Variants in GALNT13 observed in about 807,000 individuals in gnomAD.
GALNT13 encodes the protein UDP-GalNAc:polypeptide N-acetylgalactosaminyltransferase 13.
GALNT13 carries 28 observed loss-of-function variants against 64.2 expected under a neutral mutation model. The ratio of observed to expected loss-of-function variants is 0.44; its 90% CI spans 0.32 to 0.60. GALNT13 has a LOEUF of 0.60. Ranked by LOEUF, GALNT13 falls within the 20% of genes least tolerant of loss-of-function variation. The pLI is 0.05. For synonymous variants in GALNT13, 214 were observed against 224.6 expected (o/e 0.95, Z 0.42); for missense variants, 577 against 669.8 (o/e 0.86, Z 1.53).
chr2:153,791,402 A>C, the GALNT13 span, among the ~76,000 whole-genome samples: 1 of 151,998 alleles, frequency 6.6e-6, no homozygotes, highest in Non-Finnish European at 1.5e-5. Context: ...TTTTGCACCA[A>C]CCTAATATTA....
At chr2:154,239,853 G>T (rs78554275) in intron 4 of GALNT13, among the ~76,000 whole-genome samples, 1 of 152,188 alleles carries the variant, frequency 6.6e-6, no homozygotes, top group African/African-American at 2.4e-5. Context: ...AAAAAATAAT[G>T]AAGATCTTAA....
the GALNT13 span, among the ~76,000 whole-genome samples, chr2:153,700,212 T>A: frequency 6.6e-6 from 1 of 152,288 alleles, no homozygotes; most frequent in Non-Finnish European, 1.5e-5. Flanking sequence ...ATAAATGTAA[T>A]CCATCACATA....
At chr2:154,064,814 CTA>C (rs1156647386) in intron 3 of GALNT13, among the ~76,000 whole-genome samples, 1 of 152,078 alleles carries the variant, frequency 6.6e-6, no homozygotes, top group Non-Finnish European at 1.5e-5. Flanking sequence ...GCAGTGGTGA[CTA>C]TGAGGAAAGA....
At chr2:153,252,614 G>T in the GALNT13 span, among the ~76,000 whole-genome samples, 24 of 152,272 alleles carry the variant, frequency 1.6e-4, no homozygotes, top group South Asian at 1.9e-3. Flanking sequence ...GGTCTAACCT[G>T]TAAGTCTTTA....
At chr2:153,960,716 T>A (rs1223192629) in intron 3 of GALNT13, among the ~76,000 whole-genome samples, 2 of 152,286 alleles carry the variant, frequency 1.3e-5, no homozygotes, top group African/African-American at 4.8e-5. Flanking sequence ...ACCTGGCCTT[T>A]TTAAGCTGGT....
intron 9 of GALNT13, among the ~76,000 whole-genome samples, chr2:154,347,132 A>G (rs1258429986): frequency 2.0e-5 from 3 of 152,154 alleles, no homozygotes; most frequent in Non-Finnish European, 4.4e-5. Context: ...GATTGTTAAA[A>G]TAATTAACAA....
chr2:154,445,563 T>G (rs1292696842), intron 12 of GALNT13, among the ~76,000 whole-genome samples: 4 of 151,972 alleles, frequency 2.6e-5, no homozygotes, highest in African/African-American at 9.7e-5. Context: ...AAAATCAAGC[T>G]ATATAGTTAA....
chr2:153,629,236 G>C, the GALNT13 span, among the ~76,000 whole-genome samples: 19 of 150,092 alleles, frequency 1.3e-4, no homozygotes, highest in Non-Finnish European at 2.2e-4. Context: ...GCATCTACCT[G>C]ACTTCAGACT....
the GALNT13 span, among the ~76,000 whole-genome samples, chr2:153,374,487 C>T: frequency 6.6e-6 from 1 of 151,980 alleles, no homozygotes. Context: ...AACTTGTTAT[C>T]AGATTTGTGC....
At chr2:153,070,232 G>A in the GALNT13 span, among the ~76,000 whole-genome samples, 1 of 152,064 alleles carries the variant, frequency 6.6e-6, no homozygotes, top group Non-Finnish European at 1.5e-5. Context: ...CGTACTATAA[G>A]ATTCCAGCCA....
intron 11 of GALNT13, among the ~76,000 whole-genome samples, chr2:154,426,892 T>C (rs534450478): frequency 1.4e-4 from 22 of 152,306 alleles, no homozygotes; most frequent in African/African-American, 5.1e-4. Flanking sequence ...TTCATTTCAA[T>C]TCAATTCATA....
At chr2:153,113,788 A>G in the GALNT13 span, among the ~76,000 whole-genome samples, 1 of 152,090 alleles carries the variant, frequency 6.6e-6, no homozygotes, top group Non-Finnish European at 1.5e-5. Context: ...ATTGAGTTAG[A>G]CACCTCATTT....
intron 4 of GALNT13, among the ~76,000 whole-genome samples, chr2:154,192,881 A>G (rs2105760192): frequency 6.6e-6 from 1 of 152,362 alleles, no homozygotes; most frequent in South Asian, 2.1e-4. Flanking sequence ...TTAGAAGCAC[A>G]TGACTTAAAA....
At chr2:153,527,061 T>G in the GALNT13 span, among the ~76,000 whole-genome samples, 1 of 151,674 alleles carries the variant, frequency 6.6e-6, no homozygotes, top group Non-Finnish European at 1.5e-5. Flanking sequence ...AGCTTCAAAA[T>G]AGCAAATCTA....
chr2:154,100,204 T>C lies in GALNT13; in HGVS notation c.143-40133T>C, dbSNP rs559814209. ...TTGGCCATTTGGGCACATTTTTGGT[T>C]CCATATGAATTTTAGGATTGTTTTC... On this transcript the variant is annotated intron_variant, in intron 3 of 12. Coordinates refer to ENST00000392825, the MANE Select transcript of GALNT13 (RefSeq NM_052917.4). Among the ~76,000 whole-genome samples, 22 of 152,252 alleles carry C rather than the reference T, an allele frequency of 1.4e-4. No homozygotes were observed. In the South Asian group the frequency reaches 4.1e-3, roughly 29 times the overall value.
intron 3 of GALNT13, among the ~76,000 whole-genome samples, chr2:154,018,267 G>A (rs956634850): frequency 6.6e-6 from 1 of 151,966 alleles, no homozygotes; most frequent in Non-Finnish European, 1.5e-5. Flanking sequence ...GGTTTATTCC[G>A]TCCTGTAAAC....
rs546607362 is a variant in GALNT13, at chr2:154,354,835, T to G, written c.1157-41156T>G. Among the ~76,000 whole-genome samples, 8 of 152,210 alleles carry G rather than the reference T, an allele frequency of 5.3e-5. No homozygotes were observed. The South Asian group carries it at 1.5e-3, about 28-fold the overall frequency. The stretch of plus-strand genomic sequence containing the variant: ...GATTTTAAATTATAATTTGTAACCT[T>G]AGTTTCTCACAGCAGTTCTCTCTAC... On this transcript the variant is annotated intron_variant, in intron 9 of 12. Coordinates refer to ENST00000392825, the MANE Select transcript of GALNT13 (RefSeq NM_052917.4).
the GALNT13 span, among the ~76,000 whole-genome samples, chr2:153,429,638 A>G: frequency 7.7e-4 from 117 of 152,160 alleles, no homozygotes; most frequent in Middle Eastern, 3.2e-3. Context: ...AAAATTCCAG[A>G]GCAAAATTAA....
At chr2:153,563,174 T>C in the GALNT13 span, among the ~76,000 whole-genome samples, 2 of 152,094 alleles carry the variant, frequency 1.3e-5, no homozygotes, top group African/African-American at 4.8e-5. Context: ...TCTTCAAGTT[T>C]ATTCAAGTTG....
Sources: allele counts gnomAD v4.1 joint callset (sites outside exome capture counted in the v4.1 genomes callset), GRCh38; gene constraint gnomAD v4.1.1; transcripts MANE v1.5; gene names NCBI Gene and HGNC (gene_info 2026-07-23, HGNC 2026-07-21).